Variants in MCU observed in about 807,000 individuals in gnomAD.
MCU encodes calcium uniporter protein, mitochondrial.
In MCU, 12 loss-of-function variants were observed where a neutral mutation model predicts 45.2. That is an observed-to-expected ratio of 0.27 (90% CI 0.17 to 0.43). The LOEUF (loss-of-function observed/expected upper bound fraction) is 0.43, where lower values mean the gene tolerates loss of function less well. Among genes scored for constraint, MCU ranks in the 20% least tolerant of loss-of-function variants. MCU has a pLI of 1.00. For synonymous variants in MCU, 160 were observed against 165.1 expected (o/e 0.97, Z 0.24); for missense variants, 324 against 436.7 (o/e 0.74, Z 2.30).
intron 1 of MCU, among the ~76,000 whole-genome samples, chr10:72,806,342 T>G (rs1233205857): frequency 6.6e-6 from 1 of 152,092 alleles, no homozygotes; most frequent in Non-Finnish European, 1.5e-5. Flanking sequence ...GTGTCTTTAG[T>G]AGAGACGGGG....
intron 2 of MCU, among the ~76,000 whole-genome samples, chr10:72,850,135 G>A (rs1242175156): frequency 2.0e-5 from 3 of 152,118 alleles, no homozygotes; most frequent in East Asian, 1.9e-4. Flanking sequence ...GACTGGTCTC[G>A]AACTCCTGAC....
At chr10:72,743,412 C>CAAAAA (rs374429962) in intron 1 of MCU, among the ~76,000 whole-genome samples, 4 of 74,352 alleles carry the variant, frequency 5.4e-5, no homozygotes, top group Non-Finnish European at 9.4e-5. Context: ...TACTCCATCT[C>CAAAAA]AAAAAAAAAA....
chr10:72,875,332 G>T (rs76602072), intron 6 of MCU, among the ~76,000 whole-genome samples: 370 of 152,270 alleles, frequency 2.4e-3, no homozygotes, highest in Admixed American at 5.2e-3. Flanking sequence ...TTCTGTATTA[G>T]ACTTGAATAC....
At position 72,862,964 on chromosome 10, in the gene MCU, G is replaced by A. The variant is rs1276550645; in HGVS notation, c.496+2437G>A. 7.9e-5 allele frequency among the ~76,000 whole-genome samples: 12 copies of A among 151,350 alleles called. No individual in the cohort carries two copies. The East Asian group carries it at 2.3e-3, about 29-fold the overall frequency. On this transcript the variant is annotated intron_variant, in intron 4 of 7. Coordinates refer to ENST00000373053, the MANE Select transcript of MCU (RefSeq NM_138357.3). Reference sequence around the variant, plus strand: ...TGGGTCTAACATAGAAAAGTTCTGAGTGAAACCCTGTTATTAAATTCCTCT... The same window carrying A: ...TGGGTCTAACATAGAAAAGTTCTGAATGAAACCCTGTTATTAAATTCCTCT...
chr10:72,883,079 G>A (rs1403641999), intron 6 of MCU, among the ~76,000 whole-genome samples: 1 of 152,146 alleles, frequency 6.6e-6, no homozygotes, highest in African/African-American at 2.4e-5. Flanking sequence ...GCCACAAATG[G>A]ATGAACCTTG....
chr10:72,701,683 C>T lies in MCU; in HGVS notation c.150+9382C>T, dbSNP rs563496006. On this transcript the variant is annotated intron_variant, in intron 1 of 7. Coordinates refer to ENST00000373053, the MANE Select transcript of MCU (RefSeq NM_138357.3). ...CTGGGACTACAGGTACACACCACCA[C>T]GCCCGGCTAATTTTTTGTATTTTCT... 1.2e-3 allele frequency among the ~76,000 whole-genome samples: 181 copies of T among 152,140 alleles called. 1 individual carries two copies. The highest frequency in any genetic ancestry group is 4.1e-3 in the East Asian group (21 of 5,160).
intron 1 of MCU, among the ~76,000 whole-genome samples, chr10:72,704,242 G>C (rs892735455): frequency 4.6e-5 from 7 of 152,140 alleles, no homozygotes; most frequent in Non-Finnish European, 1.0e-4. Flanking sequence ...GTTGTAGATA[G>C]AGAAAAGGGA....
intron 1 of MCU, among the ~76,000 whole-genome samples, chr10:72,753,093 G>A (rs1843525626): frequency 6.6e-6 from 1 of 152,160 alleles, no homozygotes; most frequent in Admixed American, 6.5e-5. Context: ...AAACATTATA[G>A]GGTGAAGAAT....
intron 1 of MCU, among the ~76,000 whole-genome samples, chr10:72,818,587 C>T (rs1844660467): frequency 6.6e-6 from 1 of 152,112 alleles, no homozygotes; most frequent in Non-Finnish European, 1.5e-5. Context: ...CGCCTATAAT[C>T]CCAACACTTT....
At chr10:72,841,650 C>T (rs1448836580) in intron 2 of MCU, among the ~76,000 whole-genome samples, 4 of 152,180 alleles carry the variant, frequency 2.6e-5, no homozygotes, top group Non-Finnish European at 5.9e-5. Flanking sequence ...ACAGATGGTG[C>T]ATCTTCCAAA....
At chr10:72,777,318 C>T (rs1034886304) in intron 1 of MCU, among the ~76,000 whole-genome samples, 2 of 152,040 alleles carry the variant, frequency 1.3e-5, no homozygotes, top group Admixed American at 6.6e-5. Flanking sequence ...CTACAGTAAG[C>T]GAAATAGCGT....
At chr10:72,804,118 A>G (rs1844392686) in intron 1 of MCU, among the ~76,000 whole-genome samples, 1 of 134,440 alleles carries the variant, frequency 7.4e-6, no homozygotes, top group Non-Finnish European at 1.6e-5. Flanking sequence ...TTTGAGACAG[A>G]GTCTCTCACT....
intron 1 of MCU, among the ~76,000 whole-genome samples, chr10:72,797,196 C>CA (rs1844261420): frequency 6.7e-6 from 1 of 149,786 alleles, no homozygotes; most frequent in African/African-American, 2.5e-5. Context: ...CTTGCTGTTT[C>CA]TACTTTATAA....
intron 1 of MCU, among the ~76,000 whole-genome samples, chr10:72,705,973 A>C (rs1564533865): frequency 6.6e-6 from 1 of 151,548 alleles, no homozygotes; most frequent in African/African-American, 2.4e-5. Context: ...ACAGAGCAAG[A>C]CTCTCTCTCA....
At chr10:72,867,325 A>G (rs1239147653) in intron 4 of MCU, among the ~76,000 whole-genome samples, 1 of 152,176 alleles carries the variant, frequency 6.6e-6, no homozygotes, top group African/African-American at 2.4e-5. Flanking sequence ...GACAGCTTTA[A>G]TCAGCAGAGT....
chr10:72,699,625 G>A (rs1247506611), intron 1 of MCU, among the ~76,000 whole-genome samples: 2 of 148,860 alleles, frequency 1.3e-5, no homozygotes, highest in Non-Finnish European at 3.0e-5. Flanking sequence ...ATGGAGTCAC[G>A]CTGTCGTCCA....
intron 1 of MCU, among the ~76,000 whole-genome samples, chr10:72,736,171 G>GGATACACA (rs1843249918): frequency 6.6e-6 from 1 of 152,122 alleles, no homozygotes; most frequent in Non-Finnish European, 1.5e-5. Context: ...GTGTATTCAT[G>GGATACACA]GACGTTGGAT....
At chr10:72,812,370 T>A (rs934993883) in intron 1 of MCU, among the ~76,000 whole-genome samples, 12 of 152,278 alleles carry the variant, frequency 7.9e-5, no homozygotes, top group African/African-American at 2.9e-4. Flanking sequence ...GGTCTCGAAC[T>A]CCTGAGCTCA....
At chr10:72,735,859 A>G (rs563292542) in intron 1 of MCU, among the ~76,000 whole-genome samples, 5 of 152,178 alleles carry the variant, frequency 3.3e-5, no homozygotes, top group Admixed American at 2.0e-4. Context: ...ATATTTGGTA[A>G]TCATAGAACA....
Sources: allele counts gnomAD v4.1 joint callset (sites outside exome capture counted in the v4.1 genomes callset), GRCh38; gene constraint gnomAD v4.1.1; transcripts MANE v1.5; gene names NCBI Gene and HGNC (gene_info 2026-07-23, HGNC 2026-07-21).